NELL1: variants seen among roughly 807,000 people sequenced by gnomAD.
The protein encoded by NELL1 is protein kinase C-binding protein NELL1.
NELL1 carries 76 observed loss-of-function variants against 107.4 expected under a neutral mutation model. The ratio of observed to expected loss-of-function variants is 0.71; its 90% CI spans 0.59 to 0.86. The LOEUF is 0.86. Ranked by LOEUF, NELL1 falls within the 40% of genes least tolerant of loss-of-function variation. The probability of loss-of-function intolerance (pLI) is 0.00; values close to 1 mark genes in which losing one functional copy is unlikely to be tolerated. For missense variants in NELL1, 1,024 were observed against 1,005.5 expected, an observed-to-expected ratio of 1.02 and a Z score of -0.25; for synonymous variants, 353 against 341.2, an observed-to-expected ratio of 1.03 and a Z score of -0.38.
chr11:21,445,680 T>C (rs1430407128), intron 15 of NELL1, among the ~76,000 whole-genome samples: 2 of 152,230 alleles, frequency 1.3e-5, no homozygotes, highest in African/African-American at 2.4e-5. Flanking sequence ...TGCTTATTAA[T>C]ATCCTTTTCT....
At position 20,704,979 on chromosome 11, in the gene NELL1, A is replaced by T. The variant is rs186230198; in HGVS notation, c.184+26919A>T. Among the ~76,000 whole-genome samples the T allele has an allele frequency of 6.5e-3, 983 of 152,298 alleles. 9 individuals are homozygous for T. The highest frequency in any genetic ancestry group is 0.022 in the African/African-American group (908 of 41,562). ...AGGGATGTGAAGGACCGCTTCAAGG[A>T]GAACTACAAACCACTGCTCAATGAA... is the stretch of plus-strand genomic sequence containing the variant. On this transcript the variant is annotated intron_variant, in intron 2 of 19. Transcript: ENST00000357134.
intron 15 of NELL1, among the ~76,000 whole-genome samples, chr11:21,518,915 T>G (rs1038056484): frequency 3.9e-5 from 6 of 152,234 alleles, no homozygotes; most frequent in Non-Finnish European, 7.3e-5. Flanking sequence ...CAAGTAATTG[T>G]GACTTAATAA....
At chr11:20,898,373 C>T (rs1444527148) in intron 5 of NELL1, among the ~76,000 whole-genome samples, 1 of 151,558 alleles carries the variant, frequency 6.6e-6, no homozygotes, top group Non-Finnish European at 1.5e-5. Context: ...TGAACAATGA[C>T]AACACATGGA....
At chr11:20,849,905 C>T (rs1011373672) in intron 4 of NELL1, among the ~76,000 whole-genome samples, 4 of 152,070 alleles carry the variant, frequency 2.6e-5, no homozygotes, top group Non-Finnish European at 1.5e-5. Flanking sequence ...GATTAGATTC[C>T]CCGAGGGCGG....
intron 12 of NELL1, among the ~76,000 whole-genome samples, chr11:20,975,609 T>C (rs1851592004): frequency 7.5e-6 from 1 of 133,258 alleles, no homozygotes; most frequent in Non-Finnish European, 1.6e-5. Flanking sequence ...GTATTATATA[T>C]ACACATATGT....
intron 14 of NELL1, among the ~76,000 whole-genome samples, chr11:21,299,887 A>G (rs980958745): frequency 1.3e-5 from 2 of 152,010 alleles, no homozygotes; most frequent in Admixed American, 6.6e-5. Context: ...AATATGAGCC[A>G]TCATTTGCTC....
intron 12 of NELL1, among the ~76,000 whole-genome samples, chr11:21,021,590 T>C (rs535466294): frequency 3.3e-5 from 5 of 152,110 alleles, no homozygotes; most frequent in Admixed American, 6.6e-5. Context: ...AAATTGCACA[T>C]GAACTGCTGT....
intron 13 of NELL1, among the ~76,000 whole-genome samples, chr11:21,198,315 C>A (rs1197874019): frequency 6.6e-6 from 1 of 152,172 alleles, no homozygotes; most frequent in Non-Finnish European, 1.5e-5. Context: ...AGTAACACAG[C>A]CACATTCTGT....
chr11:20,951,310 T>C (rs1320899692), intron 11 of NELL1, among the ~76,000 whole-genome samples: 1 of 152,228 alleles, frequency 6.6e-6, no homozygotes, highest in Non-Finnish European at 1.5e-5. Flanking sequence ...TAATTTTTTT[T>C]TAACTTAGTC....
intron 15 of NELL1, among the ~76,000 whole-genome samples, chr11:21,392,228 G>A (rs1590894104): frequency 6.6e-6 from 1 of 151,912 alleles, no homozygotes; most frequent in African/African-American, 2.4e-5. Context: ...GCTGGGGTAA[G>A]GAAACAGCTC....
chr11:20,915,717 A>ATATATATATATATATATATATTTTTTT, intron 5 of NELL1, among the ~76,000 whole-genome samples: 31 of 58,192 alleles, frequency 5.3e-4, no homozygotes, highest in African/African-American at 1.9e-3. Context: ...ATATATATAT[A>ATATATATATATATATATATATTTTTTT]TTTTTTTTTT....
chr11:20,793,312 TCTTTTA>T (rs1428064385), intron 3 of NELL1, among the ~76,000 whole-genome samples: 4 of 152,052 alleles, frequency 2.6e-5, no homozygotes, highest in African/African-American at 9.6e-5. Context: ...CGTTATAGTC[TCTTTTA>T]CTTAATAAAA....
chr11:20,942,786 A>G (rs1281576798), intron 10 of NELL1, among the ~76,000 whole-genome samples: 4 of 152,202 alleles, frequency 2.6e-5, no homozygotes, highest in Non-Finnish European at 5.9e-5. Flanking sequence ...GATTAAAGGC[A>G]ATTTTGCTCA....
intron 13 of NELL1, among the ~76,000 whole-genome samples, chr11:21,122,773 C>T (rs1855398169): frequency 1.3e-5 from 2 of 151,922 alleles, no homozygotes; most frequent in South Asian, 4.1e-4. Flanking sequence ...ACACAGCGTA[C>T]GTATATCAGT....
At chr11:21,473,168 C>T (rs1854226326) in intron 15 of NELL1, among the ~76,000 whole-genome samples, 1 of 151,964 alleles carries the variant, frequency 6.6e-6, no homozygotes, top group Admixed American at 6.6e-5. Flanking sequence ...ATTTGTACTC[C>T]ACCTTTAAAA....
chr11:21,032,686 C>T (rs79835245), intron 12 of NELL1, among the ~76,000 whole-genome samples: 2,437 of 152,230 alleles, frequency 0.016, 76 homozygotes, highest in African/African-American at 0.054. Flanking sequence ...TGTACCCAGC[C>T]GATGTAGGAT....
At chr11:21,477,714 A>G (rs1854378567) in intron 15 of NELL1, among the ~76,000 whole-genome samples, 1 of 152,152 alleles carries the variant, frequency 6.6e-6, no homozygotes, top group African/African-American at 2.4e-5. Flanking sequence ...GTAAGGCACC[A>G]GGAACAAATC....
At chr11:21,400,643 T>C (rs1274878534) in intron 15 of NELL1, among the ~76,000 whole-genome samples, 1 of 151,946 alleles carries the variant, frequency 6.6e-6, no homozygotes, top group Non-Finnish European at 1.5e-5. Flanking sequence ...AACTTTCATT[T>C]CTGCTCTGCC....
intron 12 of NELL1, among the ~76,000 whole-genome samples, chr11:21,103,264 C>T (rs545042924): frequency 6.6e-6 from 1 of 152,182 alleles, no homozygotes; most frequent in Non-Finnish European, 1.5e-5. Context: ...TTTTTAAAGG[C>T]CTAAAGCCTG....
Sources: allele counts gnomAD v4.1 joint callset (sites outside exome capture counted in the v4.1 genomes callset), GRCh38; gene constraint gnomAD v4.1.1; transcripts MANE v1.5; gene names NCBI Gene and HGNC (gene_info 2026-07-23, HGNC 2026-07-21).